ATXN1: variants seen among roughly 807,000 people sequenced by gnomAD.
ATXN1 encodes ataxin-1.
ATXN1 carries 8 observed loss-of-function variants against 56.4 expected under a neutral mutation model. That is an observed-to-expected ratio of 0.14 (90% CI 0.08 to 0.26). The LOEUF (loss-of-function observed/expected upper bound fraction) is 0.26. Ranked by LOEUF, ATXN1 falls within the 10% of genes least tolerant of loss-of-function variation. The pLI is 1.00. For missense variants in ATXN1, 987 were observed against 1,106.5 expected (o/e 0.89, Z 1.53); for synonymous variants, 514 against 494.6 (o/e 1.04, Z -0.52).
intron 3 of ATXN1, among the ~76,000 whole-genome samples, chr6:16,648,993 A>G (rs1763848743): frequency 6.6e-6 from 1 of 151,688 alleles, no homozygotes; most frequent in Non-Finnish European, 1.5e-5. Context: ...AATAATATAT[A>G]GTATTAAATA....
At chr6:16,670,224 C>T (rs1758513123) in intron 2 of ATXN1, among the ~76,000 whole-genome samples, 1 of 152,202 alleles carries the variant, frequency 6.6e-6, no homozygotes, top group Non-Finnish European at 1.5e-5. Flanking sequence ...TCCCTTTCTG[C>T]CTCTCCAGCA....
intron 6 of ATXN1, among the ~76,000 whole-genome samples, chr6:16,467,467 A>G (rs1760130960): frequency 6.6e-6 from 1 of 152,214 alleles, no homozygotes. Context: ...ACTGCTTTAC[A>G]TGCAGAGGAG....
In ATXN1 at chr6:16,364,685, C is replaced by T. The variant is rs555338197; in HGVS notation, c.-160-36215G>A. ...TACTTGTTTCTCATGTGCCAGGGAC[C>T]CAGGCATTGAGCCCAATAGAAAGCC... On this transcript the variant is annotated intron_variant, in intron 6 of 7. Coordinates refer to ENST00000436367, the MANE Select transcript of ATXN1 (RefSeq NM_001128164.2). 6.6e-5 allele frequency among the ~76,000 whole-genome samples: 10 copies of T among 152,284 alleles called. No individual in the cohort carries two copies. The South Asian group carries it at 2.1e-3, about 32-fold the overall frequency.
intron 6 of ATXN1, among the ~76,000 whole-genome samples, chr6:16,422,585 TC>T: frequency 6.6e-6 from 1 of 152,308 alleles, no homozygotes; most frequent in South Asian, 2.1e-4. Flanking sequence ...CAGTGAAATC[TC>T]CCTAGCTAGT....
intron 6 of ATXN1, among the ~76,000 whole-genome samples, chr6:16,360,195 T>C (rs979555373): frequency 3.3e-5 from 5 of 152,230 alleles, no homozygotes; most frequent in African/African-American, 7.2e-5. Flanking sequence ...TGCTGAATAT[T>C]AGAAGCACCG....
chr6:16,435,467 G>T (rs1159155770), intron 6 of ATXN1, among the ~76,000 whole-genome samples: 5 of 152,070 alleles, frequency 3.3e-5, no homozygotes, highest in Admixed American at 2.6e-4. Context: ...GGAAGGAGGG[G>T]CCAGAAAGGG....
At chr6:16,458,687 C>T (rs532216839) in intron 6 of ATXN1, among the ~76,000 whole-genome samples, 1 of 152,218 alleles carries the variant, frequency 6.6e-6, no homozygotes, top group Non-Finnish European at 1.5e-5. Context: ...AGGCCAATCA[C>T]CCAGTAGGGC....
At chr6:16,691,116 T>A (rs548122517) in intron 2 of ATXN1, among the ~76,000 whole-genome samples, 3 of 152,322 alleles carry the variant, frequency 2.0e-5, no homozygotes, top group African/African-American at 7.2e-5. Context: ...CATTCTGCAG[T>A]GAAAAAGATG....
At chr6:16,359,929 G>C (rs537601615) in intron 6 of ATXN1, among the ~76,000 whole-genome samples, 8 of 152,042 alleles carry the variant, frequency 5.3e-5, no homozygotes, top group Admixed American at 4.6e-4. Context: ...AGGGTGGGAG[G>C]GGGGTGAGGG....
chr6:16,388,183 C>G (rs1351353192), intron 6 of ATXN1, among the ~76,000 whole-genome samples: 1 of 152,198 alleles, frequency 6.6e-6, no homozygotes. Flanking sequence ...ACCAAAGAAT[C>G]TGCAGTCACG....
At chr6:16,382,668 G>A (rs1357367567) in intron 6 of ATXN1, among the ~76,000 whole-genome samples, 3 of 151,944 alleles carry the variant, frequency 2.0e-5, no homozygotes, top group East Asian at 1.9e-4. Context: ...GACTTTCAAC[G>A]TCTGTTACTG....
intron 4 of ATXN1, among the ~76,000 whole-genome samples, chr6:16,568,702 C>A (rs1762276059): frequency 6.6e-6 from 1 of 152,056 alleles, no homozygotes; most frequent in African/African-American, 2.4e-5. Context: ...TCCTATACTT[C>A]TCCCACTGTC....
chr6:16,536,618 A>G (rs1461520713), intron 4 of ATXN1, among the ~76,000 whole-genome samples: 1 of 152,248 alleles, frequency 6.6e-6, no homozygotes, highest in African/African-American at 2.4e-5. Flanking sequence ...TTTAACAAAA[A>G]TTAGGCTTCT....
At chr6:16,588,788 G>C (rs1459332413) in intron 3 of ATXN1, among the ~76,000 whole-genome samples, 1 of 152,138 alleles carries the variant, frequency 6.6e-6, no homozygotes, top group East Asian at 1.9e-4. Flanking sequence ...GCCAAAGAAG[G>C]AGGGAAGGAG....
In ATXN1 at chr6:16,609,153, C is replaced by G. The variant is rs143138436; in HGVS notation, c.-488-23246G>C. Among the ~76,000 whole-genome samples the G allele has an allele frequency of 6.0e-3, 917 of 152,282 alleles. 6 individuals carry two copies. The highest frequency in any genetic ancestry group is 0.02 in the African/African-American group (818 of 41,544). ...GGTGGCACAGCACTGTGAGAAGAAA[C>G]AAGAAGAGATTCTGACAGAGCACTG... On this transcript the variant is annotated intron_variant, in intron 3 of 7. Transcript: ENST00000436367.
At chr6:16,491,090 A>ATTTTTTTTT (rs35884389) in intron 5 of ATXN1, among the ~76,000 whole-genome samples, 6 of 78,308 alleles carry the variant, frequency 7.7e-5, no homozygotes, top group South Asian at 1.1e-3. Flanking sequence ...GGATCCCTGG[A>ATTTTTTTTT]TTTTTTTTTT....
intron 6 of ATXN1, among the ~76,000 whole-genome samples, chr6:16,414,470 T>C (rs2113556067): frequency 6.6e-6 from 1 of 152,334 alleles, no homozygotes; most frequent in Non-Finnish European, 1.5e-5. Flanking sequence ...TTCTGCATAA[T>C]GAAACACTAA....
At chr6:16,390,149 ACT>A (rs747898251) in intron 6 of ATXN1, among the ~76,000 whole-genome samples, 70 of 152,226 alleles carry the variant, frequency 4.6e-4, no homozygotes, top group Non-Finnish European at 9.0e-4. Flanking sequence ...CAAACTACAG[ACT>A]CAAGTCCACC....
At chr6:16,681,781 C>G (rs1305053088) in intron 2 of ATXN1, among the ~76,000 whole-genome samples, 1 of 152,206 alleles carries the variant, frequency 6.6e-6, no homozygotes, top group Non-Finnish European at 1.5e-5. Context: ...CAAGAACATA[C>G]AGAGAGCATT....
Sources: allele counts gnomAD v4.1 joint callset (sites outside exome capture counted in the v4.1 genomes callset), GRCh38; gene constraint gnomAD v4.1.1; transcripts MANE v1.5; gene names NCBI Gene and HGNC (gene_info 2026-07-23, HGNC 2026-07-21).